TRAPPC9: variants seen among roughly 807,000 people sequenced by gnomAD.
The protein encoded by TRAPPC9 is trafficking protein particle complex subunit 9, also known as IKK2 binding protein.
TRAPPC9 carries 83 observed loss-of-function variants against 124.0 expected under a neutral mutation model. The ratio of observed to expected loss-of-function variants is 0.67; its 90% confidence interval spans 0.56 to 0.80. The LOEUF (loss-of-function observed/expected upper bound fraction) is 0.80, where lower values mean the gene tolerates loss of function less well. Among genes scored for constraint, TRAPPC9 ranks in the 30% least tolerant of loss-of-function variants. TRAPPC9 has a pLI of 0.00. For synonymous variants in TRAPPC9, 638 were observed against 617.5 expected (o/e 1.03, Z -0.49); for missense variants, 1,302 against 1,508.3 (o/e 0.86, Z 2.27).
intron 17 of TRAPPC9, among the ~76,000 whole-genome samples, chr8:140,050,886 C>T (rs1264693449): frequency 6.6e-6 from 1 of 152,204 alleles, no homozygotes; most frequent in African/African-American, 2.4e-5. Flanking sequence ...GGCACCTGCA[C>T]GTGGCCTTCT....
At chr8:140,398,525 A>G (rs2069160505) in intron 6 of TRAPPC9, among the ~76,000 whole-genome samples, 1 of 152,206 alleles carries the variant, frequency 6.6e-6, no homozygotes, top group Non-Finnish European at 1.5e-5. Flanking sequence ...TGGGAACTGG[A>G]GCAAAGGTGA....
chr8:140,067,528 G>A (rs574745368), intron 17 of TRAPPC9, among the ~76,000 whole-genome samples: 1 of 152,142 alleles, frequency 6.6e-6, no homozygotes, highest in Admixed American at 6.5e-5. Flanking sequence ...GAGAACTACT[G>A]TCCATGTCCA....
chr8:140,174,025 C>G (rs1401204442), intron 17 of TRAPPC9, among the ~76,000 whole-genome samples: 1 of 151,990 alleles, frequency 6.6e-6, no homozygotes, highest in Admixed American at 6.6e-5. Flanking sequence ...CCATGGTAGC[C>G]ATTATAATCA....
intron 9 of TRAPPC9, among the ~76,000 whole-genome samples, chr8:140,333,436 A>G (rs1422397905): frequency 1.1e-4 from 17 of 152,234 alleles, no homozygotes; most frequent in Non-Finnish European, 2.9e-5. Flanking sequence ...CTTGTCGCCC[A>G]GGCTGGAGTG....
chr8:140,403,937 C>T (rs947828240), intron 6 of TRAPPC9, among the ~76,000 whole-genome samples: 5 of 151,986 alleles, frequency 3.3e-5, no homozygotes, highest in South Asian at 2.1e-4. Flanking sequence ...GAATTACTGG[C>T]GGGCGTGAGC....
chr8:140,193,992 A>G (rs2062567813), intron 17 of TRAPPC9, among the ~76,000 whole-genome samples: 1 of 152,234 alleles, frequency 6.6e-6, no homozygotes, highest in Non-Finnish European at 1.5e-5. Flanking sequence ...CACAGGGTCC[A>G]GTCCCAGCTC....
chr8:140,026,021 C>T (rs13262392), intron 17 of TRAPPC9, among the ~76,000 whole-genome samples: 4 of 151,952 alleles, frequency 2.6e-5, no homozygotes, highest in African/African-American at 4.8e-5. Context: ...CCCTTCCTCT[C>T]GGCCCTGGCA....
At chr8:139,830,166 G>A (rs1202545234) in intron 21 of TRAPPC9, among the ~76,000 whole-genome samples, 12 of 152,256 alleles carry the variant, frequency 7.9e-5, no homozygotes, top group African/African-American at 2.9e-4. Context: ...GGAGCCTGAC[G>A]TGCACGTGCA....
chr8:140,391,589 G>A (rs987616377), intron 7 of TRAPPC9, among the ~76,000 whole-genome samples: 1 of 151,498 alleles, frequency 6.6e-6, no homozygotes, highest in African/African-American at 2.4e-5. Flanking sequence ...GCACATGCCT[G>A]TAATCTCAGC....
At chr8:139,790,697 G>C (rs80275972) in intron 21 of TRAPPC9, among the ~76,000 whole-genome samples, 9,029 of 152,284 alleles carry the variant, frequency 0.059, 349 homozygotes, top group Non-Finnish European at 0.084. Context: ...GGCACAGGAT[G>C]ATGGGCCCCA....
chr8:140,249,803 T>G (rs2064087628), intron 16 of TRAPPC9, among the ~76,000 whole-genome samples: 1 of 152,008 alleles, frequency 6.6e-6, no homozygotes, highest in African/African-American at 2.4e-5. Context: ...AGAGACGGGG[T>G]TTCACCATGT....
Position 140,457,709 on chromosome 8 carries a change from G to C in TRAPPC9, c.-81C>G, listed in dbSNP as rs1369619876. Reference sequence around the variant, plus strand: ...GGCAGCGGGGCCGAGCAGCCTCTGCGGCCACTTCCCAGGCTCTGGGCTGGC... The same window carrying C: ...GGCAGCGGGGCCGAGCAGCCTCTGCCGCCACTTCCCAGGCTCTGGGCTGGC... On this transcript the variant is annotated 5_prime_UTR_variant, in exon 1 of 23. Coordinates refer to ENST00000438773, the MANE Select transcript of TRAPPC9 (RefSeq NM_001160372.4). 1.0e-6 allele frequency: 1 copy of C among 988,284 alleles called. No homozygotes were observed. The highest frequency in any genetic ancestry group is 1.2e-6 in the Non-Finnish European group (1 of 831,720). The allele number at this position is 988,284 out of a possible 1,614,324, so 61.2% of individuals were successfully genotyped here. A position where few individuals can be genotyped will look rare whatever the true frequency, so the allele number is the denominator to read the frequency against.
At chr8:139,938,418 G>A (rs1587282118) in intron 19 of TRAPPC9, among the ~76,000 whole-genome samples, 1 of 151,776 alleles carries the variant, frequency 6.6e-6, no homozygotes, top group East Asian at 2.0e-4. Context: ...CCGAGTAGCT[G>A]GGACTACAGG....
intron 18 of TRAPPC9, among the ~76,000 whole-genome samples, chr8:139,991,292 C>T (rs558766945): frequency 3.9e-5 from 6 of 152,356 alleles, no homozygotes; most frequent in African/African-American, 1.4e-4. Context: ...GAATGAGCAG[C>T]ATCAATACAC....
chr8:139,795,758 G>A (rs969957871), intron 21 of TRAPPC9, among the ~76,000 whole-genome samples: 20 of 152,242 alleles, frequency 1.3e-4, no homozygotes, highest in African/African-American at 3.4e-4. Flanking sequence ...GCCAGTGAGC[G>A]TGAGGGGTGG....
chr8:140,160,637 G>T (rs1001651067), intron 17 of TRAPPC9, among the ~76,000 whole-genome samples: 16 of 148,028 alleles, frequency 1.1e-4, no homozygotes, highest in African/African-American at 4.0e-4. Context: ...ACACACCAGG[G>T]CCTGTCGGGG....
At chr8:139,744,030 C>T (rs893680836) in intron 21 of TRAPPC9, among the ~76,000 whole-genome samples, 13 of 152,140 alleles carry the variant, frequency 8.5e-5, no homozygotes, top group African/African-American at 2.7e-4. Flanking sequence ...CAGGTACACG[C>T]GAACGTGCAC....
intron 17 of TRAPPC9, among the ~76,000 whole-genome samples, chr8:140,071,021 G>T (rs1470221725): frequency 2.6e-5 from 4 of 152,230 alleles, no homozygotes; most frequent in Admixed American, 2.6e-4. Context: ...TAGTGCGTGC[G>T]ATCGTTCTAG....
chr8:140,294,018 T>C (rs1044963978), intron 11 of TRAPPC9, among the ~76,000 whole-genome samples: 7 of 152,066 alleles, frequency 4.6e-5, no homozygotes. Flanking sequence ...GCACAAATGT[T>C]ATGCCCGTTC....
Sources: gnomAD v4.1 joint callset for allele counts (sites outside exome capture counted in the v4.1 genomes callset) on GRCh38, gnomAD v4.1.1 for gene constraint, MANE v1.5 for transcripts, NCBI Gene and HGNC (gene_info 2026-07-23, HGNC 2026-07-21) for gene names.